Variants in KCND2 observed in about 807,000 individuals in gnomAD.
The protein encoded by KCND2 is potassium voltage-gated channel subfamily D member 2.
Under a neutral mutation model 54.4 loss-of-function variants are expected in KCND2, and 16 were observed. That is an observed-to-expected ratio of 0.29 (90% CI 0.20 to 0.45). The LOEUF (loss-of-function observed/expected upper bound fraction) is 0.45, where lower values mean the gene tolerates loss of function less well. KCND2 is among the 20% of genes least tolerant of loss of function. The probability of loss-of-function intolerance (pLI) is 1.00; values close to 1 mark genes in which losing one functional copy is unlikely to be tolerated. For missense variants in KCND2, 486 were observed against 824.2 expected (o/e 0.59, Z 5.02); for synonymous variants, 317 against 310.7 (o/e 1.02, Z -0.21).
intron 1 of KCND2, among the ~76,000 whole-genome samples, chr7:120,664,858 C>T (rs2116564851): frequency 6.6e-6 from 1 of 152,198 alleles, no homozygotes; most frequent in South Asian, 2.1e-4. Flanking sequence ...GTAAACTTTA[C>T]TATAATGCTC....
At chr7:120,296,707 G>A (rs1004052476) in intron 1 of KCND2, among the ~76,000 whole-genome samples, 8 of 151,998 alleles carry the variant, frequency 5.3e-5, no homozygotes, top group Admixed American at 5.3e-4. Context: ...AAGAGAACCA[G>A]TTTTCCAATA....
intron 1 of KCND2, among the ~76,000 whole-genome samples, chr7:120,621,032 TGAGAGGCTGAGGC>T (rs1793091157): frequency 6.6e-6 from 1 of 152,030 alleles, no homozygotes; most frequent in Non-Finnish European, 1.5e-5. Flanking sequence ...CCCAGCACTT[TGAGAGGCTGAGGC>T]GAGTGGATCA....
chr7:120,544,499 C>T (rs1395218231), intron 1 of KCND2, among the ~76,000 whole-genome samples: 1 of 151,762 alleles, frequency 6.6e-6, no homozygotes. Context: ...AAAGTATAAC[C>T]ATTCATAAAT....
At chr7:120,574,292 A>T (rs1475365115) in intron 1 of KCND2, among the ~76,000 whole-genome samples, 1 of 152,170 alleles carries the variant, frequency 6.6e-6, no homozygotes, top group African/African-American at 2.4e-5. Context: ...AACCACTGTA[A>T]AGTGTCTTTG....
At chr7:120,543,705 C>G (rs1369395797) in intron 1 of KCND2, among the ~76,000 whole-genome samples, 1 of 151,770 alleles carries the variant, frequency 6.6e-6, no homozygotes. Flanking sequence ...TATTTGAAAC[C>G]CCTACTGATT....
At chr7:120,362,846 G>A (rs892654550) in intron 1 of KCND2, among the ~76,000 whole-genome samples, 13 of 151,910 alleles carry the variant, frequency 8.6e-5, no homozygotes, top group African/African-American at 1.9e-4. Flanking sequence ...CTGTTTTTCC[G>A]TTGACCACCT....
Position 120,745,986 on chromosome 7 carries a change from G to T in KCND2, c.1674G>T (p.Thr558=). 1 of 1,613,732 alleles carries T rather than the reference G, an allele frequency of 6.2e-7. No individual in the cohort carries two copies. Among genetic ancestry groups the T allele is most frequent in the South Asian group, 1.1e-5 (1 of 91,080 alleles). ...SHQGSIQELS[T]IQIRCVERTP... ...AAGGTAGTATACAAGAACTCAGCAC[G>T]ATTCAGATCAGATGTGTGGAGAGAA... The change falls in exon 5 of 6, where the codon ACG becomes ACT. Residue 558 remains threonine, a synonymous_variant. Transcript: ENST00000331113.
chr7:120,581,956 C>T (rs2116444558), intron 1 of KCND2, among the ~76,000 whole-genome samples: 1 of 152,226 alleles, frequency 6.6e-6, no homozygotes, highest in Admixed American at 6.5e-5. Context: ...TCAAGTCATC[C>T]ACCCGCCTCA....
intron 1 of KCND2, among the ~76,000 whole-genome samples, chr7:120,487,059 G>A (rs902965591): frequency 6.6e-6 from 1 of 152,120 alleles, no homozygotes; most frequent in Non-Finnish European, 1.5e-5. Flanking sequence ...AATATGCTAA[G>A]CTACTGGAAG....
At chr7:120,306,118 G>C (rs1262719293) in intron 1 of KCND2, among the ~76,000 whole-genome samples, 1 of 151,966 alleles carries the variant, frequency 6.6e-6, no homozygotes, top group Non-Finnish European at 1.5e-5. Context: ...TCTCTAGCTG[G>C]ATCCTCCACC....
At chr7:120,302,589 AT>A (rs1380319438) in intron 1 of KCND2, among the ~76,000 whole-genome samples, 1 of 152,184 alleles carries the variant, frequency 6.6e-6, no homozygotes, top group African/African-American at 2.4e-5. Context: ...TAAATAACAC[AT>A]TAAACACACT....
chr7:120,534,248 G>T (rs947377278), intron 1 of KCND2, among the ~76,000 whole-genome samples: 1 of 152,060 alleles, frequency 6.6e-6, no homozygotes, highest in African/African-American at 2.4e-5. Flanking sequence ...TGTGATCAAG[G>T]TTAACATCCT....
At chr7:120,365,331 G>A (rs985815744) in intron 1 of KCND2, among the ~76,000 whole-genome samples, 3 of 152,040 alleles carry the variant, frequency 2.0e-5, no homozygotes, top group South Asian at 2.1e-4. Context: ...TGTAGGTATG[G>A]ACAGCAAGAA....
At chr7:120,300,812 C>T (rs946271772) in intron 1 of KCND2, among the ~76,000 whole-genome samples, 6 of 151,994 alleles carry the variant, frequency 3.9e-5, no homozygotes, top group African/African-American at 9.6e-5. Context: ...GTCTGTGGCC[C>T]GTATTACTTT....
intron 1 of KCND2, among the ~76,000 whole-genome samples, chr7:120,427,622 TA>T (rs1241038394): frequency 6.6e-6 from 1 of 152,162 alleles, no homozygotes; most frequent in African/African-American, 2.4e-5. Context: ...GAAACAAATA[TA>T]AAAATTTAAG....
intron 1 of KCND2, among the ~76,000 whole-genome samples, chr7:120,461,431 T>A (rs1019415902): frequency 1.3e-5 from 2 of 152,184 alleles, no homozygotes; most frequent in East Asian, 1.9e-4. Flanking sequence ...ATTTCAGATA[T>A]TTTTCCCTCC....
At chr7:120,419,226 G>A (rs1801571652) in intron 1 of KCND2, among the ~76,000 whole-genome samples, 1 of 151,984 alleles carries the variant, frequency 6.6e-6, no homozygotes, top group South Asian at 2.1e-4. Flanking sequence ...GAAATAAAAG[G>A]TCTACTACTA....
intron 1 of KCND2, among the ~76,000 whole-genome samples, chr7:120,699,978 T>TA (rs1792379986): frequency 6.6e-6 from 1 of 152,122 alleles, no homozygotes; most frequent in African/African-American, 2.4e-5. Flanking sequence ...GAAGAAAAGA[T>TA]ACAAGTAGTT....
chr7:120,454,857 A>G (rs1802171023), intron 1 of KCND2, among the ~76,000 whole-genome samples: 1 of 152,228 alleles, frequency 6.6e-6, no homozygotes, highest in Non-Finnish European at 1.5e-5. Flanking sequence ...AAATTAGTGT[A>G]CAAAAATCAG....
Sources: gnomAD v4.1 joint callset for allele counts (sites outside exome capture counted in the v4.1 genomes callset) on GRCh38, gnomAD v4.1.1 for gene constraint, MANE v1.5 for transcripts, NCBI Gene and HGNC (gene_info 2026-07-23, HGNC 2026-07-21) for gene names.